The following DNAH11 variants were observed in gnomAD, a reference collection of about 807,000 sequenced individuals.
DNAH11 encodes dynein axonemal heavy chain 11.
In DNAH11, 442 loss-of-function variants were observed where a neutral mutation model predicts 526.0. That is an observed-to-expected ratio of 0.84 (90% CI 0.78 to 0.91). The LOEUF (loss-of-function observed/expected upper bound fraction) is 0.91, where lower values mean the gene tolerates loss of function less well. DNAH11 is among the 40% of genes least tolerant of loss of function. The pLI, the probability that DNAH11 is intolerant of heterozygous loss-of-function variation, is 0.00. For missense variants in DNAH11, 6,989 were observed against 5,448.7 expected (o/e 1.28, Z -8.90); for synonymous variants, 2,461 against 1,935.9 (o/e 1.27, Z -7.12).
At chr7:21,620,899 A>AT (rs1332632163) in intron 25 of DNAH11, among the ~76,000 whole-genome samples, 2 of 151,874 alleles carry the variant, frequency 1.3e-5, no homozygotes, top group South Asian at 4.2e-4. Flanking sequence ...TGAACTCATC[A>AT]TTTTTTATGG....
At chr7:21,732,496 G>A (rs969551465) in intron 45 of DNAH11, among the ~76,000 whole-genome samples, 4 of 152,036 alleles carry the variant, frequency 2.6e-5, no homozygotes, top group Admixed American at 6.5e-5. Flanking sequence ...ATATTACTCC[G>A]GTATGACTTC....
intron 30 of DNAH11, among the ~76,000 whole-genome samples, chr7:21,666,377 C>T (rs1782421378): frequency 6.6e-6 from 1 of 151,994 alleles, no homozygotes; most frequent in African/African-American, 2.4e-5. Context: ...TTTCTCCACT[C>T]CTCTTTTATT....
chr7:21,735,561 T>G, intron 45 of DNAH11, 79 bp from the exon 46 acceptor site: 1 of 1,256,836 alleles, frequency 8.0e-7, no homozygotes, highest in East Asian at 2.5e-5. Context: ...GAGTTTGATA[T>G]AAAATTTTGG....
At chr7:21,783,882 A>G (rs1422354723) in intron 57 of DNAH11, among the ~76,000 whole-genome samples, 1 of 152,148 alleles carries the variant, frequency 6.6e-6, no homozygotes, top group African/African-American at 2.4e-5. Flanking sequence ...ATTCGTCTTC[A>G]CTAAAATTTT....
At chr7:21,556,555 A>G (rs1159289477) in intron 2 of DNAH11, among the ~76,000 whole-genome samples, 1 of 152,192 alleles carries the variant, frequency 6.6e-6, no homozygotes, top group Non-Finnish European at 1.5e-5. Flanking sequence ...CAAGGGGTGC[A>G]TGTACTGGTT....
At chr7:21,545,249 G>A in intron 2 of DNAH11, 100 bp downstream of exon 2, 1 of 732,552 alleles carries the variant, frequency 1.4e-6, no homozygotes, top group Non-Finnish European at 2.0e-6. Context: ...GAGCTAGGAG[G>A]GGAAGGGAAG....
chr7:21,853,899 T>G (rs909618770), intron 67 of DNAH11, among the ~76,000 whole-genome samples: 3 of 152,228 alleles, frequency 2.0e-5, no homozygotes, highest in Non-Finnish European at 4.4e-5. Context: ...CCTTGACTGC[T>G]TTTGTATGCT....
At position 21,667,748 on chromosome 7, in the gene DNAH11, G is replaced by C. The variant is rs78971413; in HGVS notation, c.5328+8717G>C. Among the ~76,000 whole-genome samples the C allele has an allele frequency of 2.0e-3, 306 of 152,250 alleles. 3 individuals carry two copies. The East Asian group carries it at 0.046, about 23-fold the overall frequency. On this transcript the variant is annotated intron_variant, in intron 30 of 81. Coordinates refer to ENST00000409508, the MANE Select transcript of DNAH11 (RefSeq NM_001277115.2). ...GGGATAGGGAAAAAACATAATCCCTGTAAGAGATTTTAAAATGACTGTGTA... is the reference window on the plus strand; with the variant it reads ...GGGATAGGGAAAAAACATAATCCCTCTAAGAGATTTTAAAATGACTGTGTA...
At chr7:21,668,778 A>G (rs190028460) in intron 30 of DNAH11, among the ~76,000 whole-genome samples, 10 of 152,288 alleles carry the variant, frequency 6.6e-5, no homozygotes, top group Admixed American at 5.9e-4. Flanking sequence ...TATTATTTCT[A>G]AGGCTGCTTT....
chr7:21,606,685 T>A lies in DNAH11; in HGVS notation c.3804T>A (p.Tyr1268Ter). The A allele has an allele frequency of 6.2e-7, 1 of 1,605,856 alleles. No individual in the cohort carries two copies. The highest frequency in any genetic ancestry group is 8.5e-7 in the Non-Finnish European group (1 of 1,176,508). ...QAEFRERFRHYAPLGFNAENP... is the reference protein window; with the variant it reads ...QAEFRERFRH ...AGTTCAGAGAGAGATTCAGACACTA[T>A]GCCCCTCTTGGATTTAATGCAGAAA... Residue 1268 changes from tyrosine to a stop codon, truncating the protein, a stop_gained, in exon 20 of 82, where the codon TAT (tyrosine) becomes TAA (stop). Coordinates refer to ENST00000409508, the MANE Select transcript of DNAH11 (RefSeq NM_001277115.2). LOFTEE classifies it high-confidence loss of function.
rs749390012 is a variant in DNAH11 at position 21,742,178 on chromosome 7, G to A, written c.8154+12G>A. The A allele has an allele frequency of 6.2e-7, 1 of 1,612,800 alleles. No individual in the cohort carries two copies. The highest frequency in any genetic ancestry group is 8.5e-7 in the Non-Finnish European group (1 of 1,179,436). On this transcript the variant is annotated intron_variant, in intron 49 of 81. Coordinates refer to ENST00000409508, the MANE Select transcript of DNAH11 (RefSeq NM_001277115.2). ...CAAACGTCTTCCAGGTACCTTGACT[G>A]CTCTATGTTATGCCTCTTGAGTAGA...
At chr7:21,649,607 A>G (rs1000988245) in intron 28 of DNAH11, among the ~76,000 whole-genome samples, 2 of 151,976 alleles carry the variant, frequency 1.3e-5, no homozygotes, top group Admixed American at 6.6e-5. Context: ...TTAGAGAAAT[A>G]GTAACTGGCA....
rs1037342124 is a variant in DNAH11 at position 21,639,618 on chromosome 7, C to G, written c.4944+553C>G. On this transcript the variant is annotated intron_variant, in intron 28 of 81. Coordinates refer to ENST00000409508, the MANE Select transcript of DNAH11 (RefSeq NM_001277115.2). The stretch of plus-strand genomic sequence containing the variant: ...CTGATTCCCATGTCAATATTTAAAG[C>G]AAATAAAAACAGATACTATCTTGTG... Among the ~76,000 whole-genome samples the G allele has an allele frequency of 6.6e-6, 1 of 152,114 alleles. No homozygotes were observed. The highest frequency in any genetic ancestry group is 1.5e-5 in the Non-Finnish European group (1 of 68,018).
chr7:21,543,737 C>A, intron 1 of DNAH11, 141 bp downstream of exon 1: 1 of 813,214 alleles, frequency 1.2e-6, no homozygotes, highest in Non-Finnish European at 1.9e-6. Context: ...ATCCTGAGGC[C>A]CGCAGGACTC....
intron 30 of DNAH11, among the ~76,000 whole-genome samples, chr7:21,664,176 C>A (rs578197453): frequency 6.9e-6 from 1 of 145,088 alleles, no homozygotes; most frequent in South Asian, 2.2e-4. Flanking sequence ...TTATGGTCAC[C>A]TGTCTTTTCA....
chr7:21,599,426 C>T (rs371169557), intron 14 of DNAH11, among the ~76,000 whole-genome samples: 2 of 152,150 alleles, frequency 1.3e-5, no homozygotes, highest in Admixed American at 6.5e-5. Flanking sequence ...ACGGAAGGCC[C>T]TGGAAGGCAA....
At chr7:21,764,607 C>A (rs12700303) in intron 54 of DNAH11, among the ~76,000 whole-genome samples, 2 of 151,866 alleles carry the variant, frequency 1.3e-5, no homozygotes, top group African/African-American at 2.4e-5. Context: ...TAGCACTTTA[C>A]ACAGGGTGTC....
intron 79 of DNAH11, among the ~76,000 whole-genome samples, chr7:21,898,839 G>A (rs949816687): frequency 2.0e-5 from 3 of 152,110 alleles, no homozygotes; most frequent in Non-Finnish European, 4.4e-5. Context: ...GGCAGCTACT[G>A]CACGTGCTTA....
chr7:21,591,617 A>T, intron 14 of DNAH11, 40 bp downstream of exon 14: 1 of 1,496,122 alleles, frequency 6.7e-7, no homozygotes, highest in South Asian at 1.5e-5. Context: ...AGATCTTTTC[A>T]TTGAGTTCAG....
Sources: allele counts gnomAD v4.1 joint callset (sites outside exome capture counted in the v4.1 genomes callset), GRCh38; gene constraint gnomAD v4.1.1; transcripts MANE v1.5; gene names NCBI Gene and HGNC (gene_info 2026-07-23, HGNC 2026-07-21).